The following TSPAN5 variants were observed in gnomAD, a reference collection of about 807,000 sequenced individuals.
The protein encoded by TSPAN5 is tetraspanin 5.
TSPAN5 carries 10 observed loss-of-function variants against 37.1 expected under a neutral mutation model. The ratio of observed to expected loss-of-function variants is 0.27; its 90% CI spans 0.17 to 0.46. The LOEUF is 0.46. Ranked by LOEUF, TSPAN5 falls within the 20% of genes least tolerant of loss-of-function variation. The pLI, the probability that TSPAN5 is intolerant of heterozygous loss-of-function variation, is 1.00. For synonymous variants in TSPAN5, 110 were observed against 118.9 expected, an observed-to-expected ratio of 0.93 and a Z score of 0.48; for missense variants, 195 against 326.6, an observed-to-expected ratio of 0.60 and a Z score of 3.11.
At chr4:98,626,934 C>T (rs1480360243) in intron 1 of TSPAN5, among the ~76,000 whole-genome samples, 2 of 128,350 alleles carry the variant, frequency 1.6e-5, no homozygotes, top group Non-Finnish European at 3.2e-5. Context: ...TAAATGTATC[C>T]CATTTGGCAC....
chr4:98,594,194 T>G (rs1382091824), intron 1 of TSPAN5, among the ~76,000 whole-genome samples: 2 of 132,648 alleles, frequency 1.5e-5, no homozygotes, highest in East Asian at 2.0e-4. Context: ...TTATTCTCTT[T>G]GAAGTAATTG....
At chr4:98,502,889 C>T (rs1236670496) in intron 2 of TSPAN5, among the ~76,000 whole-genome samples, 1 of 151,338 alleles carries the variant, frequency 6.6e-6, no homozygotes. Flanking sequence ...TCACAACAAT[C>T]TAGTAGGCCT....
chr4:98,540,343 CT>C (rs879675525), intron 1 of TSPAN5, among the ~76,000 whole-genome samples: 79 of 146,378 alleles, frequency 5.4e-4, no homozygotes, highest in Admixed American at 1.2e-3. Context: ...TTCCCTCTTC[CT>C]TTTTTTTTTT....
intron 1 of TSPAN5, among the ~76,000 whole-genome samples, chr4:98,618,914 C>T (rs1029397063): frequency 3.9e-5 from 6 of 152,230 alleles, no homozygotes; most frequent in Non-Finnish European, 5.9e-5. Flanking sequence ...ACAAGTGAAT[C>T]GTGTGCTAGG....
At chr4:98,550,407 A>G (rs1262811595) in intron 1 of TSPAN5, among the ~76,000 whole-genome samples, 1 of 152,060 alleles carries the variant, frequency 6.6e-6, no homozygotes, top group Non-Finnish European at 1.5e-5. Context: ...GGGTTTTTTA[A>G]TTCTGTGAAA....
At chr4:98,522,983 G>A (rs1753886956) in intron 1 of TSPAN5, among the ~76,000 whole-genome samples, 2 of 152,184 alleles carry the variant, frequency 1.3e-5, no homozygotes, top group Admixed American at 6.5e-5. Flanking sequence ...AGAAGCCACC[G>A]AATATCATCC....
chr4:98,652,725 C>G (rs1401645776), intron 1 of TSPAN5, among the ~76,000 whole-genome samples: 1 of 152,118 alleles, frequency 6.6e-6, no homozygotes, highest in African/African-American at 2.4e-5. Context: ...GGGGTGCTTA[C>G]AAGAAAAACA....
At chr4:98,620,378 A>C (rs1398452536) in intron 1 of TSPAN5, among the ~76,000 whole-genome samples, 1 of 151,996 alleles carries the variant, frequency 6.6e-6, no homozygotes, top group Non-Finnish European at 1.5e-5. Context: ...AGGCATACAC[A>C]CCTGAGGAAG....
intron 1 of TSPAN5, among the ~76,000 whole-genome samples, chr4:98,553,805 GC>G (rs1754674347): frequency 6.6e-6 from 1 of 152,092 alleles, no homozygotes; most frequent in Non-Finnish European, 1.5e-5. Flanking sequence ...GGTGGCTCAC[GC>G]CTGTAATCCT....
chr4:98,601,422 T>C (rs1214197881), intron 1 of TSPAN5, among the ~76,000 whole-genome samples: 1 of 152,262 alleles, frequency 6.6e-6, no homozygotes, highest in Non-Finnish European at 1.5e-5. Flanking sequence ...TCTGGATAAC[T>C]TGCTGAAGCT....
At chr4:98,646,222 T>G (rs1411187835) in intron 1 of TSPAN5, among the ~76,000 whole-genome samples, 2 of 152,124 alleles carry the variant, frequency 1.3e-5, no homozygotes, top group African/African-American at 4.8e-5. Context: ...TCCAAAATCC[T>G]AGCTCTGCAT....
At chr4:98,638,199 C>T (rs940852283) in intron 1 of TSPAN5, among the ~76,000 whole-genome samples, 5 of 152,308 alleles carry the variant, frequency 3.3e-5, no homozygotes, top group Non-Finnish European at 7.4e-5. Context: ...CCTGTTGCTC[C>T]GCACGCTCAA....
intron 2 of TSPAN5, among the ~76,000 whole-genome samples, chr4:98,499,701 C>T (rs1753299610): frequency 7.5e-6 from 1 of 132,844 alleles, no homozygotes; most frequent in African/African-American, 3.0e-5. Flanking sequence ...CACTCTGCTG[C>T]CCAGGCTGGA....
chr4:98,606,610 A>T (rs1335870442), intron 1 of TSPAN5, among the ~76,000 whole-genome samples: 1 of 152,244 alleles, frequency 6.6e-6, no homozygotes, highest in African/African-American at 2.4e-5. Context: ...TCTTGGTTAT[A>T]GTTTTCCAAA....
intron 1 of TSPAN5, among the ~76,000 whole-genome samples, chr4:98,584,232 C>T (rs1170349886): frequency 1.3e-5 from 2 of 152,198 alleles, no homozygotes; most frequent in African/African-American, 4.8e-5. Context: ...TGTGCCACCA[C>T]ACCTGGCCTG....
intron 1 of TSPAN5, among the ~76,000 whole-genome samples, chr4:98,533,939 TAAAAAAA>T (rs1194318640): frequency 2.9e-4 from 9 of 31,156 alleles, no homozygotes; most frequent in Admixed American, 2.1e-3. Flanking sequence ...TTGTTGATCT[TAAAAAAA>T]AAAAAAAAAA....
chr4:98,583,960 T>C (rs956430452), intron 1 of TSPAN5, among the ~76,000 whole-genome samples: 1 of 152,176 alleles, frequency 6.6e-6, no homozygotes, highest in African/African-American at 2.4e-5. Flanking sequence ...TTGCCATGCT[T>C]GTCCCTGGCT....
intron 1 of TSPAN5, among the ~76,000 whole-genome samples, chr4:98,508,470 G>T (rs1578955147): frequency 6.6e-6 from 1 of 151,558 alleles, no homozygotes; most frequent in African/African-American, 2.4e-5. Context: ...CTGGGGGAAT[G>T]CCAGGAGAGG....
At chr4:98,488,198 C>G (rs1350757094) in intron 2 of TSPAN5, among the ~76,000 whole-genome samples, 1 of 152,186 alleles carries the variant, frequency 6.6e-6, no homozygotes, top group Non-Finnish European at 1.5e-5. Flanking sequence ...TACACAATGT[C>G]TATTTCAGTA....
Sources: allele counts gnomAD v4.1 joint callset (sites outside exome capture counted in the v4.1 genomes callset), GRCh38; gene constraint gnomAD v4.1.1; transcripts MANE v1.5; gene names NCBI Gene and HGNC (gene_info 2026-07-23, HGNC 2026-07-21).